Variants in CPD observed in about 807,000 individuals in gnomAD.
The protein encoded by CPD is carboxypeptidase D.
In CPD, 69 loss-of-function variants were observed where a neutral mutation model predicts 138.3. The observed-to-expected ratio is 0.50, with a 90% CI of 0.41 to 0.61. CPD has a LOEUF of 0.61. CPD is among the 20% of genes least tolerant of loss of function. The pLI is 0.00. For synonymous variants in CPD, 651 were observed against 642.1 expected (o/e 1.01, Z -0.21); for missense variants, 1,432 against 1,733.3 (o/e 0.83, Z 3.09).
intron 2 of CPD, among the ~76,000 whole-genome samples, chr17:30,390,633 G>A (rs373623290): frequency 6.6e-6 from 1 of 152,146 alleles, no homozygotes; most frequent in East Asian, 1.9e-4. Context: ...GGGCCCTAGT[G>A]CCTTTGCCTT....
At chr17:30,458,236 G>A (rs1037734255) in intron 17 of CPD, among the ~76,000 whole-genome samples, 2 of 152,124 alleles carry the variant, frequency 1.3e-5, no homozygotes, top group African/African-American at 4.8e-5. Flanking sequence ...TGGATGCTGT[G>A]TATTCTAGAT....
At chr17:30,391,132 CTTTTTTT>C (rs5819898) in intron 2 of CPD, among the ~76,000 whole-genome samples, 1 of 114,858 alleles carries the variant, frequency 8.7e-6, no homozygotes, top group Non-Finnish European at 1.8e-5. Flanking sequence ...GCCTGGCCGC[CTTTTTTT>C]TTTTTTTTTT....
intron 12 of CPD, among the ~76,000 whole-genome samples, 157 bp downstream of exon 12, chr17:30,446,177 CTTTTTT>C (rs141561458): frequency 1.5e-3 from 228 of 147,946 alleles, no homozygotes; most frequent in South Asian, 9.6e-3. Context: ...GCTTGGAGAT[CTTTTTT>C]TTTTAATTAT....
chr17:30,433,923 A>G (rs1367424615), intron 8 of CPD, among the ~76,000 whole-genome samples: 1 of 152,146 alleles, frequency 6.6e-6, no homozygotes, highest in Non-Finnish European at 1.5e-5. Flanking sequence ...TGCCTCCTCG[A>G]ATCTTGTGTC....
At chr17:30,412,260 AG>A (rs1221306540) in intron 2 of CPD, among the ~76,000 whole-genome samples, 1 of 152,088 alleles carries the variant, frequency 6.6e-6, no homozygotes, top group East Asian at 1.9e-4. Flanking sequence ...ATCATCCCAG[AG>A]GGGCACCTGC....
chr17:30,380,657 C>T (rs1161244795), intron 1 of CPD: 7 of 1,493,554 alleles, frequency 4.7e-6, no homozygotes, highest in Non-Finnish European at 6.3e-6. Context: ...GTTGGTGTAC[C>T]CAGTTAAACT....
At position 30,379,221 on chromosome 17, in the gene CPD, C is replaced by A; in HGVS notation, c.241C>A (p.Arg81Ser). 6.5e-7 allele frequency: 1 copy of A among 1,527,456 alleles called. No individual in the cohort carries two copies. Among genetic ancestry groups the A allele is most frequent in the Non-Finnish European group, 8.8e-7 (1 of 1,142,534 alleles). 94.6% of individuals were successfully genotyped at this position (1,527,456 alleles called of 1,614,324 possible). ...GGCCGCGGGCCTCCCCGGCCTGGCC[C>A]GCCTCTTTAGCATCGGCCGCTCGGT... ...AAAAGLPGLA[R>S]LFSIGRSVEG... Residue 81 changes from arginine to serine, a missense_variant, in exon 1 of 21, where the codon CGC becomes AGC. Physicochemically the swap from Arg to Ser is moderately radical, Grantham distance 110. Transcript: ENST00000225719. This position sits in a 1 kb window ranked among gnomAD's most constrained non-coding sequence, Gnocchi z 7.0.
rs1409867742 is a variant in CPD at position 30,427,542 on chromosome 17, A to G, written c.2001A>G (p.Ser667=). The change falls in exon 7 of 21, where the codon TCA becomes TCG. Residue 667 remains serine, a synonymous_variant. Transcript: ENST00000225719. ...TGAAGTCCTATCCATTTGTACTTTC[A>G]GCAAACCTGCATGGAGGTATGGCAA... The part of the protein sequence containing the change: ...SWMKSYPFVL[S]ANLHGGSLVV... 5.6e-6 allele frequency: 9 copies of G among 1,613,914 alleles called. No homozygotes were observed. Among genetic ancestry groups the G allele is most frequent in the East Asian group, 2.2e-5 (1 of 44,884 alleles).
intron 8 of CPD, among the ~76,000 whole-genome samples, chr17:30,436,337 C>G (rs748728789): frequency 4.0e-5 from 6 of 151,862 alleles, no homozygotes; most frequent in Non-Finnish European, 7.4e-5. Context: ...AATAGATGAC[C>G]CACAGAATAA....
At chr17:30,420,743 A>G in intron 2 of CPD, 98 bp from the exon 3 acceptor site, 1 of 1,127,280 alleles carries the variant, frequency 8.9e-7, no homozygotes, top group Non-Finnish European at 1.2e-6. Context: ...AGAAAAGAAA[A>G]TTTATACATC....
intron 20 of CPD, among the ~76,000 whole-genome samples, chr17:30,463,324 C>G (rs1255680342): frequency 6.6e-6 from 1 of 152,148 alleles, no homozygotes; most frequent in Non-Finnish European, 1.5e-5. Context: ...TCAATCTCTC[C>G]CACTAAAACA....
intron 12 of CPD, among the ~76,000 whole-genome samples, chr17:30,446,840 G>T (rs1041731034): frequency 1.3e-5 from 2 of 152,166 alleles, no homozygotes; most frequent in Non-Finnish European, 2.9e-5. Flanking sequence ...AGCACCTGTT[G>T]TTTCCTGACT....
At chr17:30,384,878 T>G in intron 1 of CPD, 111 bp from the exon 2 acceptor site, 1 of 1,191,090 alleles carries the variant, frequency 8.4e-7, no homozygotes, top group South Asian at 1.5e-5. Flanking sequence ...GTTTTCTAGG[T>G]CTCCAAGAGA....
At position 30,379,640 on chromosome 17, in the gene CPD, T is replaced by C; in HGVS notation, c.660T>C (p.Phe220=). 1.3e-6 allele frequency: 2 copies of C among 1,512,674 alleles called. No homozygotes were observed. Among genetic ancestry groups the C allele is most frequent in the Non-Finnish European group, 8.7e-7 (1 of 1,146,270 alleles). 93.7% of individuals were successfully genotyped at this position (1,512,674 alleles called of 1,614,324 possible). A position where few individuals can be genotyped will look rare whatever the true frequency, so the allele number is the denominator to read the frequency against. ...GCGGCCGCGACCTCAACCGAAGCTT[T>C]CCCGACCAGTTTAGCACCGGCGAAC... ...NSRGRDLNRS[F]PDQFSTGEPP... is the part of the protein sequence containing the mutation. Residue 220 remains phenylalanine (F), a synonymous_variant, in exon 1 of 21, where the codon TTT becomes TTC. Transcript: ENST00000225719. The surrounding 1 kb of genome is among the most constrained non-coding windows in gnomAD (Gnocchi z 7.0).
At chr17:30,384,868 G>A in intron 1 of CPD, 121 bp from the exon 2 acceptor site, 3 of 1,101,300 alleles carry the variant, frequency 2.7e-6, no homozygotes, top group Non-Finnish European at 3.9e-6. Context: ...TGATAGAGTT[G>A]TTTTCTAGGT....
chr17:30,382,210 G>A (rs1911068109), intron 1 of CPD, among the ~76,000 whole-genome samples: 1 of 152,112 alleles, frequency 6.6e-6, no homozygotes, highest in African/African-American at 2.4e-5. Context: ...TTGAAATTTA[G>A]TTTGTCAGAT....
chr17:30,428,972 G>A (rs955990833), intron 7 of CPD, among the ~76,000 whole-genome samples: 4 of 152,102 alleles, frequency 2.6e-5, no homozygotes, highest in Non-Finnish European at 4.4e-5. Flanking sequence ...AAGTACCATA[G>A]TGGAGACTTC....
intron 9 of CPD, 146 bp downstream of exon 9, chr17:30,439,223 T>C (rs1350695798): frequency 7.7e-6 from 4 of 517,408 alleles, no homozygotes; most frequent in Non-Finnish European, 1.4e-5. Context: ...TTAAATAATC[T>C]TTTCAACTAC....
chr17:30,438,948 A>G, intron 8 of CPD, 27 bp from the exon 9 acceptor site: 1 of 1,322,146 alleles, frequency 7.6e-7, no homozygotes, highest in Non-Finnish European at 1.1e-6. Context: ...AAACAAATAG[A>G]AGTAAAGATT....
Sources: allele counts gnomAD v4.1 joint callset (sites outside exome capture counted in the v4.1 genomes callset), GRCh38; gene constraint gnomAD v4.1.1; non-coding constraint Gnocchi (gnomAD v3.1); transcripts MANE v1.5; gene names NCBI Gene and HGNC (gene_info 2026-07-23, HGNC 2026-07-21).